The following WASF1 variants were observed in gnomAD, a reference collection of about 807,000 sequenced individuals.
WASF1 encodes the protein actin-binding protein WASF1.
In WASF1, 7 loss-of-function variants were observed where a neutral mutation model predicts 50.5. That is an observed-to-expected ratio of 0.14 (90% confidence interval 0.08 to 0.26). WASF1 has a LOEUF of 0.26. WASF1 is among the 10% of genes least tolerant of loss of function. The pLI is 1.00. For synonymous variants in WASF1, 205 were observed against 244.0 expected (o/e 0.84, Z 1.49); for missense variants, 470 against 694.7 (o/e 0.68, Z 3.64).
In WASF1 at chr6:110,102,097, G is replaced by C. The variant is rs1773118454; in HGVS notation, c.1013C>G (p.Ser338Cys). Residue 338 changes from serine (S) to cysteine (C), a missense_variant, in exon 10 of 11, where the codon TCC (serine) becomes TGC (cysteine). Ser to Cys is a moderately radical substitution (Grantham distance 112, BLOSUM62 -1). Transcript: ENST00000392589. Reference protein sequence around the residue: ...PPPLPSALSTSSLRASMTSTP... With the variant: ...PPPLPSALSTCSLRASMTSTP... Reference sequence around the variant, plus strand: ...TGAAGTCATTGAAGCTCTTAATGAGGAAGTTGACAAGGCAGATGGAAGAGG... The same window carrying C: ...TGAAGTCATTGAAGCTCTTAATGAGCAAGTTGACAAGGCAGATGGAAGAGG... 1 of 1,502,248 alleles carries C rather than the reference G, an allele frequency of 6.7e-7. No individual in the cohort carries two copies. Among genetic ancestry groups the C allele is most frequent in the African/African-American group, 1.4e-5 (1 of 71,138 alleles). The allele number at this position is 1,502,248 out of a possible 1,614,324, so 93.1% of individuals were successfully genotyped here.
intron 4 of WASF1, 131 bp downstream of exon 4, chr6:110,127,338 A>G (rs1290007636): frequency 9.7e-6 from 7 of 720,206 alleles, no homozygotes; most frequent in Middle Eastern, 4.4e-4. Flanking sequence ...TCATGTGACT[A>G]TATTTTTCAG....
At chr6:110,137,155 C>T (rs575060852) in intron 3 of WASF1, among the ~76,000 whole-genome samples, 1 of 152,278 alleles carries the variant, frequency 6.6e-6, no homozygotes, top group African/African-American at 2.4e-5. Flanking sequence ...CCTAAAGCTG[C>T]AGCTATGCAT....
intron 4 of WASF1, among the ~76,000 whole-genome samples, chr6:110,114,665 G>A (rs774552712): frequency 3.3e-5 from 5 of 152,088 alleles, no homozygotes; most frequent in African/African-American, 4.8e-5. Context: ...AGTAAAGGAT[G>A]CTTTGATACT....
At chr6:110,103,782 C>T (rs770086776) in intron 8 of WASF1, among the ~76,000 whole-genome samples, 2 of 152,116 alleles carry the variant, frequency 1.3e-5, no homozygotes, top group Non-Finnish European at 2.9e-5. Context: ...TGATGACCAT[C>T]GGTTATTTTA....
At chr6:110,140,863 A>T (rs1775197518) in intron 3 of WASF1, among the ~76,000 whole-genome samples, 1 of 152,172 alleles carries the variant, frequency 6.6e-6, no homozygotes, top group Non-Finnish European at 1.5e-5. Flanking sequence ...TGTCAGAAGG[A>T]GCCATGACAA....
intron 2 of WASF1, among the ~76,000 whole-genome samples, chr6:110,170,259 A>G (rs1342814529): frequency 3.3e-5 from 5 of 152,086 alleles, no homozygotes; most frequent in Non-Finnish European, 7.4e-5. Context: ...GGTTCCTTCC[A>G]TCACTCAGAC....
intron 3 of WASF1, among the ~76,000 whole-genome samples, chr6:110,128,663 CTG>C (rs1411682254): frequency 6.6e-6 from 1 of 152,250 alleles, no homozygotes; most frequent in Non-Finnish European, 1.5e-5. Context: ...AGCATATTAA[CTG>C]TGAGTAATTG....
intron 3 of WASF1, among the ~76,000 whole-genome samples, chr6:110,151,883 T>A (rs570389404): frequency 4.3e-4 from 66 of 152,238 alleles, no homozygotes; most frequent in South Asian, 1.9e-3. Flanking sequence ...TCAACTTACA[T>A]CTTATTTGGG....
intron 3 of WASF1, among the ~76,000 whole-genome samples, chr6:110,134,487 C>A (rs1475282090): frequency 6.6e-6 from 1 of 150,988 alleles, no homozygotes; most frequent in Non-Finnish European, 1.5e-5. Context: ...TGCGGTGGCA[C>A]GATCTCAGCT....
intron 3 of WASF1, 100 bp downstream of exon 3, chr6:110,160,535 T>C (rs1776220236): frequency 1.3e-5 from 2 of 151,760 alleles, no homozygotes; most frequent in African/African-American, 4.8e-5. Flanking sequence ...CCAGTCCACT[T>C]TTATTAGTAT....
intron 2 of WASF1, among the ~76,000 whole-genome samples, chr6:110,176,165 A>G (rs1032713499): frequency 2.0e-5 from 3 of 152,088 alleles, no homozygotes; most frequent in African/African-American, 4.8e-5. Context: ...TTAAAACACA[A>G]GATTCTTAAT....
intron 2 of WASF1, among the ~76,000 whole-genome samples, chr6:110,173,074 C>A (rs550228500): frequency 3.9e-5 from 6 of 152,230 alleles, no homozygotes; most frequent in African/African-American, 1.4e-4. Flanking sequence ...ACAAATTTAG[C>A]AAGATGTCCC....
intron 2 of WASF1, among the ~76,000 whole-genome samples, chr6:110,177,712 C>T (rs1005252523): frequency 1.4e-4 from 21 of 152,118 alleles, no homozygotes; most frequent in Admixed American, 7.2e-4. Context: ...ATGTACGCCA[C>T]TTCCAAGTGC....
chr6:110,134,507 C>A (rs1038693767), intron 3 of WASF1, among the ~76,000 whole-genome samples: 9 of 151,782 alleles, frequency 5.9e-5, no homozygotes, highest in African/African-American at 2.2e-4. Flanking sequence ...TCACTGCAAC[C>A]TCTGCCTCCT....
At chr6:110,137,797 A>T (rs1775034790) in intron 3 of WASF1, among the ~76,000 whole-genome samples, 1 of 152,256 alleles carries the variant, frequency 6.6e-6, no homozygotes, top group African/African-American at 2.4e-5. Context: ...AGGAAAGAAA[A>T]GCCAGGTGGA....
At chr6:110,125,576 T>C (rs1774383259) in intron 4 of WASF1, among the ~76,000 whole-genome samples, 2 of 152,198 alleles carry the variant, frequency 1.3e-5, no homozygotes, top group African/African-American at 4.8e-5. Context: ...CATGAGTTTA[T>C]TTATTCTGGC....
At chr6:110,162,506 C>T (rs2114605332) in intron 2 of WASF1, among the ~76,000 whole-genome samples, 2 of 147,832 alleles carry the variant, frequency 1.4e-5, no homozygotes, top group Middle Eastern at 7.0e-3. Flanking sequence ...ATGCAAAAAT[C>T]CTCAACAAAA....
chr6:110,130,278 G>T (rs76556347), intron 3 of WASF1, among the ~76,000 whole-genome samples: 3,513 of 152,214 alleles, frequency 0.023, 123 homozygotes, highest in African/African-American at 0.08. Context: ...ACCCCATTAA[G>T]AAATAAAATA....
intron 3 of WASF1, among the ~76,000 whole-genome samples, chr6:110,160,040 T>C (rs1431721785): frequency 6.6e-6 from 1 of 151,862 alleles, no homozygotes; most frequent in Admixed American, 6.6e-5. Context: ...AAAAATACCA[T>C]CTTGAAAGTT....
Sources: gnomAD v4.1 joint callset for allele counts (sites outside exome capture counted in the v4.1 genomes callset) on GRCh38, gnomAD v4.1.1 for gene constraint, MANE v1.5 for transcripts, NCBI Gene and HGNC (gene_info 2026-07-23, HGNC 2026-07-21) for gene names.